Variants in KSR2 observed in about 807,000 individuals in gnomAD.
KSR2 encodes kinase suppressor of ras 2.
KSR2 carries 25 observed loss-of-function variants against 107.8 expected under a neutral mutation model. That is an observed-to-expected ratio of 0.23 (90% CI 0.17 to 0.32). The LOEUF is 0.32. Ranked by LOEUF, KSR2 falls within the 10% of genes least tolerant of loss-of-function variation. The probability of loss-of-function intolerance (pLI) is 1.00; values close to 1 mark genes in which losing one functional copy is unlikely to be tolerated. For missense variants in KSR2, 887 were observed against 1,268.9 expected, an observed-to-expected ratio of 0.70 and a Z score of 4.57; for synonymous variants, 480 against 507.0, an observed-to-expected ratio of 0.95 and a Z score of 0.71.
intron 1 of KSR2, among the ~76,000 whole-genome samples, chr12:117,873,426 A>G (rs541326741): frequency 1.3e-5 from 2 of 149,512 alleles, no homozygotes; most frequent in Admixed American, 6.7e-5. Flanking sequence ...AAGAGAAGCA[A>G]GGCCTCATTC....
At chr12:117,774,913 A>G (rs1215889248) in intron 3 of KSR2, among the ~76,000 whole-genome samples, 1 of 152,102 alleles carries the variant, frequency 6.6e-6, no homozygotes, top group East Asian at 1.9e-4. Flanking sequence ...ATGGAATCCT[A>G]CGCTATGTGG....
intron 4 of KSR2, among the ~76,000 whole-genome samples, chr12:117,683,368 CA>C (rs1452939438): frequency 1.3e-5 from 2 of 151,994 alleles, no homozygotes; most frequent in African/African-American, 4.8e-5. Context: ...CAAGAAGTTA[CA>C]CATTGAAGAT....
intron 4 of KSR2, among the ~76,000 whole-genome samples, chr12:117,708,076 C>T (rs1428911688): frequency 6.6e-6 from 1 of 152,204 alleles, no homozygotes. Context: ...GATATCTATA[C>T]AAGGATATAG....
chr12:117,649,455 T>A (rs1739587587), intron 5 of KSR2, among the ~76,000 whole-genome samples: 1 of 152,182 alleles, frequency 6.6e-6, no homozygotes, highest in South Asian at 2.1e-4. Flanking sequence ...TACAACAGTA[T>A]CAACAATCAC....
chr12:117,663,913 A>T (rs1185280941), intron 5 of KSR2, among the ~76,000 whole-genome samples: 1 of 152,226 alleles, frequency 6.6e-6, no homozygotes, highest in South Asian at 2.1e-4. Flanking sequence ...CCACCAGAGC[A>T]TGGTGGCCCA....
intron 1 of KSR2, among the ~76,000 whole-genome samples, chr12:117,919,059 A>G (rs2137454006): frequency 6.6e-6 from 1 of 152,144 alleles, no homozygotes; most frequent in East Asian, 1.9e-4. Context: ...GATCGCTTGA[A>G]CCCAAGAGTT....
At chr12:117,534,796 G>A (rs537673711) in intron 10 of KSR2, among the ~76,000 whole-genome samples, 1 of 152,058 alleles carries the variant, frequency 6.6e-6, no homozygotes, top group East Asian at 1.9e-4. Flanking sequence ...AGAAGAGGAA[G>A]GCAGGGTCAG....
intron 11 of KSR2, 88 bp downstream of exon 11, chr12:117,531,578 C>T (rs1362229810): frequency 8.6e-7 from 1 of 1,158,684 alleles, no homozygotes; most frequent in East Asian, 2.5e-5. Flanking sequence ...GGCACCCCCA[C>T]AACATCTGCC....
chr12:117,747,386 G>C (rs1053401640), intron 4 of KSR2, among the ~76,000 whole-genome samples: 1 of 138,762 alleles, frequency 7.2e-6, no homozygotes, highest in Non-Finnish European at 1.5e-5. Flanking sequence ...TGAACAATGA[G>C]AACACATGGA....
At chr12:117,631,357 G>A (rs897608665) in intron 5 of KSR2, among the ~76,000 whole-genome samples, 3 of 152,100 alleles carry the variant, frequency 2.0e-5, no homozygotes, top group South Asian at 2.1e-4. Flanking sequence ...TGGCTGAGTC[G>A]GGAGCTGCTA....
At chr12:117,614,603 A>G (rs765142828) in intron 5 of KSR2, among the ~76,000 whole-genome samples, 10 of 152,214 alleles carry the variant, frequency 6.6e-5, no homozygotes, top group Non-Finnish European at 1.5e-4. Context: ...ACCTAACAGA[A>G]GATAAAAGGG....
intron 4 of KSR2, among the ~76,000 whole-genome samples, chr12:117,724,769 G>A (rs1236197209): frequency 6.8e-6 from 1 of 146,430 alleles, no homozygotes; most frequent in East Asian, 2.2e-4. Context: ...AGCGAGGGTT[G>A]TTTGTGAGTG....
At chr12:117,799,437 G>T (rs1890751102) in intron 3 of KSR2, among the ~76,000 whole-genome samples, 1 of 151,278 alleles carries the variant, frequency 6.6e-6, no homozygotes. Flanking sequence ...GGAGGCAGAG[G>T]TTGCAGTGAG....
In KSR2 at chr12:117,508,213, C is replaced by T. The variant is rs114721242; in HGVS notation, c.2219+16639G>A. Among the ~76,000 whole-genome samples, 993 of 152,296 alleles carry T rather than the reference C, an allele frequency of 6.5e-3. 13 individuals carry two copies. Among genetic ancestry groups the T allele is most frequent in the African/African-American group, 0.023 (946 of 41,564 alleles). ...TCCCATCTACTGATGCTCCCCTAGA[C>T]TTATTTGTTGTTGGCTCTAAACACG... On this transcript the variant is annotated intron_variant, in intron 14 of 19. Transcript: ENST00000339824.
intron 3 of KSR2, among the ~76,000 whole-genome samples, chr12:117,809,459 C>T (rs191360607): frequency 5.9e-5 from 9 of 152,228 alleles, no homozygotes; most frequent in East Asian, 3.9e-4. Context: ...CAAATGTCCA[C>T]GGGAGCAGAA....
chr12:117,755,283 A>C (rs916743109), intron 4 of KSR2, among the ~76,000 whole-genome samples: 1 of 152,142 alleles, frequency 6.6e-6, no homozygotes, highest in Non-Finnish European at 1.5e-5. Flanking sequence ...TGCAGACATC[A>C]CATTTTTTTA....
intron 3 of KSR2, among the ~76,000 whole-genome samples, chr12:117,802,271 C>T (rs1890858680): frequency 6.6e-6 from 1 of 152,034 alleles, no homozygotes; most frequent in Non-Finnish European, 1.5e-5. Context: ...TGACTCTGAC[C>T]TCTGACCCTC....
intron 1 of KSR2, among the ~76,000 whole-genome samples, chr12:117,948,221 G>A (rs903422538): frequency 3.9e-5 from 6 of 152,068 alleles, no homozygotes; most frequent in African/African-American, 1.4e-4. Context: ...GGCTGATGCA[G>A]GTGGATCACC....
chr12:117,551,106 A>G (rs1221248300), intron 9 of KSR2, among the ~76,000 whole-genome samples: 2 of 152,186 alleles, frequency 1.3e-5, no homozygotes, highest in African/African-American at 4.8e-5. Context: ...TGCAGATGGT[A>G]TTTTTGATGG....
Sources: gnomAD v4.1 joint callset for allele counts (sites outside exome capture counted in the v4.1 genomes callset) on GRCh38, gnomAD v4.1.1 for gene constraint, MANE v1.5 for transcripts, NCBI Gene and HGNC (gene_info 2026-07-23, HGNC 2026-07-21) for gene names.